The following UCK2 variants were observed in gnomAD, a reference collection of about 807,000 sequenced individuals.
UCK2 encodes the protein cytidine monophosphokinase 2.
Under a neutral mutation model 30.8 loss-of-function variants are expected in UCK2, and 6 were observed. The ratio of observed to expected loss-of-function variants is 0.19; its 90% CI spans 0.11 to 0.38. The LOEUF (loss-of-function observed/expected upper bound fraction) is 0.38. Among genes scored for constraint, UCK2 ranks in the 10% least tolerant of loss-of-function variants. The pLI, the probability that UCK2 is intolerant of heterozygous loss-of-function variation, is 1.00. For missense variants in UCK2, 210 were observed against 339.8 expected, an observed-to-expected ratio of 0.62 and a Z score of 3.00; for synonymous variants, 125 against 133.6, an observed-to-expected ratio of 0.94 and a Z score of 0.45.
At chr1:165,828,388 G>T (rs945260924) in intron 1 of UCK2, among the ~76,000 whole-genome samples, 2 of 152,186 alleles carry the variant, frequency 1.3e-5, no homozygotes, top group African/African-American at 4.8e-5. Flanking sequence ...AGGGCGGAGC[G>T]AGCCGGGAAG....
intron 1 of UCK2, among the ~76,000 whole-genome samples, chr1:165,836,934 A>G (rs1654208401): frequency 6.6e-6 from 1 of 152,168 alleles, no homozygotes; most frequent in African/African-American, 2.4e-5. Flanking sequence ...TGTCATGGTC[A>G]TCCCGTCCTG....
intron 4 of UCK2, among the ~76,000 whole-genome samples, chr1:165,901,742 C>G (rs983741905): frequency 1.3e-5 from 2 of 152,054 alleles, no homozygotes; most frequent in Non-Finnish European, 2.9e-5. Flanking sequence ...TCCAAACTCC[C>G]TACTCATGGG....
At chr1:165,899,978 T>C (rs911866076) in intron 4 of UCK2, among the ~76,000 whole-genome samples, 5 of 152,330 alleles carry the variant, frequency 3.3e-5, no homozygotes, top group Middle Eastern at 3.4e-3. Context: ...CCCATTTGCT[T>C]TTCCAGCGTG....
intron 1 of UCK2, among the ~76,000 whole-genome samples, chr1:165,855,053 C>CATTG (rs951027860): frequency 2.0e-5 from 3 of 152,160 alleles, no homozygotes; most frequent in Non-Finnish European, 4.4e-5. Flanking sequence ...GGAAAATTAC[C>CATTG]ATTGCTACAT....
chr1:165,836,975 G>A (rs902972021), intron 1 of UCK2, among the ~76,000 whole-genome samples: 2 of 152,170 alleles, frequency 1.3e-5, no homozygotes, highest in African/African-American at 4.8e-5. Context: ...AGAGGAGGGG[G>A]AGGGAAGTGC....
At chr1:165,877,853 A>G (rs1309955892) in intron 1 of UCK2, among the ~76,000 whole-genome samples, 1 of 152,102 alleles carries the variant, frequency 6.6e-6, no homozygotes, top group Non-Finnish European at 1.5e-5. Flanking sequence ...TTAGGTTCCT[A>G]GCAAAATTGA....
At chr1:165,875,262 C>T (rs1412457863) in intron 1 of UCK2, among the ~76,000 whole-genome samples, 1 of 152,166 alleles carries the variant, frequency 6.6e-6, no homozygotes, top group Non-Finnish European at 1.5e-5. Flanking sequence ...GGTTGAGTTG[C>T]CCGAGATATC....
At chr1:165,839,480 A>G (rs1180647937) in intron 1 of UCK2, among the ~76,000 whole-genome samples, 2 of 151,698 alleles carry the variant, frequency 1.3e-5, no homozygotes, top group African/African-American at 4.8e-5. Flanking sequence ...TTCTGGGAAG[A>G]ACTCAGTCCT....
intron 1 of UCK2, among the ~76,000 whole-genome samples, chr1:165,865,000 TACAC>T (rs751644954): frequency 6.6e-6 from 1 of 152,132 alleles, no homozygotes; most frequent in African/African-American, 2.4e-5. Context: ...ATTGAGATTT[TACAC>T]ACACACACAT....
chr1:165,905,820 G>A (rs1040082493), intron 5 of UCK2, 101 bp from the exon 6 acceptor site: 21 of 1,058,086 alleles, frequency 2.0e-5, no homozygotes, highest in South Asian at 9.6e-5. Context: ...TTCTGGGCTC[G>A]CTAGTATGAA....
chr1:165,870,201 ATTTTTTT>A (rs11336105), intron 1 of UCK2, among the ~76,000 whole-genome samples: 1 of 94,708 alleles, frequency 1.1e-5, no homozygotes, highest in Non-Finnish European at 2.2e-5. Flanking sequence ...GTCTAACTTC[ATTTTTTT>A]TTTTTTTTTT....
chr1:165,891,860 G>C (rs946129797), intron 3 of UCK2, among the ~76,000 whole-genome samples: 3 of 151,954 alleles, frequency 2.0e-5, no homozygotes, highest in Non-Finnish European at 1.5e-5. Context: ...ATTAGGAATA[G>C]AGGAGTGGCC....
intron 4 of UCK2, among the ~76,000 whole-genome samples, chr1:165,901,840 T>C (rs750103703): frequency 2.6e-4 from 39 of 151,104 alleles, no homozygotes; most frequent in Middle Eastern, 3.4e-3. Flanking sequence ...ATAAAGAGTG[T>C]ATGGGCTGCC....
intron 1 of UCK2, among the ~76,000 whole-genome samples, chr1:165,872,196 T>C (rs1273357202): frequency 6.6e-6 from 1 of 152,162 alleles, no homozygotes; most frequent in Non-Finnish European, 1.5e-5. Flanking sequence ...TGCCTCAGCC[T>C]CCGAAGTAGC....
At chr1:165,879,571 T>TATTATTA (rs1553199402) in intron 1 of UCK2, among the ~76,000 whole-genome samples, 1 of 150,946 alleles carries the variant, frequency 6.6e-6, no homozygotes, top group South Asian at 2.1e-4. Flanking sequence ...TTATTATTAT[T>TATTATTA]TTGTCAGTAG....
At chr1:165,862,498 A>G (rs1383079863) in intron 1 of UCK2, among the ~76,000 whole-genome samples, 1 of 152,234 alleles carries the variant, frequency 6.6e-6, no homozygotes, top group Non-Finnish European at 1.5e-5. Context: ...CTGAAGTGCC[A>G]GCACTTGGGA....
At chr1:165,887,779 C>CT (rs397981811) in intron 1 of UCK2, among the ~76,000 whole-genome samples, 6 of 151,812 alleles carry the variant, frequency 4.0e-5, no homozygotes, top group African/African-American at 1.5e-4. Flanking sequence ...TTTCCCCCCC[C>CT]ACCCATCCAT....
At chr1:165,891,820 T>G (rs1655777116) in intron 3 of UCK2, among the ~76,000 whole-genome samples, 1 of 152,072 alleles carries the variant, frequency 6.6e-6, no homozygotes, top group African/African-American at 2.4e-5. Flanking sequence ...ACCAGTCCTT[T>G]CCAGTGAAGC....
chr1:165,850,010 A>G (rs10918293), intron 1 of UCK2, among the ~76,000 whole-genome samples: 26,391 of 152,202 alleles, frequency 0.17, 2,800 homozygotes, highest in South Asian at 0.33. Context: ...TGACCCAGAA[A>G]TGGTATGAAA....
Sources: gnomAD v4.1 joint callset for allele counts (sites outside exome capture counted in the v4.1 genomes callset) on GRCh38, gnomAD v4.1.1 for gene constraint, MANE v1.5 for transcripts, NCBI Gene and HGNC (gene_info 2026-07-23, HGNC 2026-07-21) for gene names.